RASGEF1C: variants seen among roughly 807,000 people sequenced by gnomAD.
RASGEF1C encodes ras-GEF domain-containing family member 1C.
RASGEF1C carries 27 observed loss-of-function variants against 58.1 expected under a neutral mutation model. That is an observed-to-expected ratio of 0.46 (90% CI 0.34 to 0.64). RASGEF1C has a LOEUF of 0.64. Ranked by LOEUF, RASGEF1C falls within the 30% of genes least tolerant of loss-of-function variation. RASGEF1C has a pLI of 0.01. For missense variants in RASGEF1C, 502 were observed against 605.1 expected, an observed-to-expected ratio of 0.83 and a Z score of 1.79; for synonymous variants, 243 against 246.3, an observed-to-expected ratio of 0.99 and a Z score of 0.13.
intron 1 of RASGEF1C, among the ~76,000 whole-genome samples, chr5:180,208,135 C>T (rs910616553): frequency 6.6e-6 from 1 of 152,076 alleles, no homozygotes; most frequent in African/African-American, 2.4e-5. Context: ...CCAGTCTTAC[C>T]AGAGGTGGGA....
At position 180,154,622 on chromosome 5, in the gene RASGEF1C, C is replaced by A. The variant is rs1232992055; in HGVS notation, c.-6-16564G>T. ...TTGAGATGGAGTCTCGCTCTGTCGC[C>A]CAGCCTGGAGTGCAGTGGTGCAAAC... On this transcript the variant is annotated intron_variant, in intron 1 of 13. Coordinates refer to ENST00000361132, the MANE Select transcript of RASGEF1C (RefSeq NM_175062.4). Among the ~76,000 whole-genome samples, 3 of 150,628 alleles carry A rather than the reference C, an allele frequency of 2.0e-5. No individual in the cohort carries two copies. The East Asian group carries it at 5.9e-4, about 29-fold the overall frequency.
chr5:180,154,567 G>A (rs1040749412), intron 1 of RASGEF1C, among the ~76,000 whole-genome samples: 4 of 148,830 alleles, frequency 2.7e-5, no homozygotes, highest in African/African-American at 9.8e-5. Flanking sequence ...TGGTGGACTG[G>A]GCTGGACTCT....
Position 180,113,810 on chromosome 5 carries a change from T to C in RASGEF1C, c.1179+636A>G, listed in dbSNP as rs1416960078. Among the ~76,000 whole-genome samples, 7 of 146,516 alleles carry C rather than the reference T, an allele frequency of 4.8e-5. No homozygotes were observed. The South Asian group carries it at 1.3e-3, about 28-fold the overall frequency. On this transcript the variant is annotated intron_variant, in intron 11 of 13. Coordinates refer to ENST00000361132, the MANE Select transcript of RASGEF1C (RefSeq NM_175062.4). ...GATGGATGGAGGGACCGAGGATGGATGGAGGGACCGAGGATGGATGGAGGG... is the reference window on the plus strand; with the variant it reads ...GATGGATGGAGGGACCGAGGATGGACGGAGGGACCGAGGATGGATGGAGGG...
chr5:180,174,598 G>C (rs1278724636), intron 1 of RASGEF1C, among the ~76,000 whole-genome samples: 1 of 142,422 alleles, frequency 7.0e-6, no homozygotes, highest in African/African-American at 2.6e-5. Context: ...GTGTGTGTGT[G>C]TGTGCACGCA....
rs911724800 is a variant in RASGEF1C at position 180,103,023 on chromosome 5, G to A, written c.1304-880C>T. On this transcript the variant is annotated intron_variant, in intron 12 of 13. Transcript: ENST00000361132. ...AATACCTTTGCTATGCAGTCTTTGCGTTCGAGAACATCCTATGTCTCCATT... is the reference window on the plus strand; with the variant it reads ...AATACCTTTGCTATGCAGTCTTTGCATTCGAGAACATCCTATGTCTCCATT... 5.9e-5 allele frequency among the ~76,000 whole-genome samples: 9 copies of A among 152,302 alleles called. No homozygotes were observed. The East Asian group carries it at 1.3e-3, about 23-fold the overall frequency.
intron 1 of RASGEF1C, among the ~76,000 whole-genome samples, chr5:180,181,614 G>A (rs1442065000): frequency 6.6e-6 from 1 of 152,228 alleles, no homozygotes; most frequent in Non-Finnish European, 1.5e-5. Context: ...GAATGCAGAA[G>A]ATTTCTAACA....
intron 1 of RASGEF1C, among the ~76,000 whole-genome samples, chr5:180,153,236 C>CA (rs1486828308): frequency 6.6e-6 from 1 of 152,176 alleles, no homozygotes; most frequent in Non-Finnish European, 1.5e-5. Flanking sequence ...CATCCGTGCT[C>CA]AGAGGCAGCA....
chr5:180,182,144 G>A (rs558871551), intron 1 of RASGEF1C, among the ~76,000 whole-genome samples: 1 of 137,520 alleles, frequency 7.3e-6, no homozygotes, highest in African/African-American at 2.8e-5. Context: ...GGTGGAGCTT[G>A]CAGTGAGTCG....
At chr5:180,181,516 A>G (rs1767325149) in intron 1 of RASGEF1C, among the ~76,000 whole-genome samples, 1 of 152,168 alleles carries the variant, frequency 6.6e-6, no homozygotes, top group African/African-American at 2.4e-5. Flanking sequence ...ATCCAACATG[A>G]CTAATGACCT....
Position 180,156,297 on chromosome 5 carries a change from A to G in RASGEF1C, c.-6-18239T>C, listed in dbSNP as rs1264519497. 1.3e-5 allele frequency among the ~76,000 whole-genome samples: 2 copies of G among 152,194 alleles called. No individual in the cohort carries two copies. The highest frequency in any genetic ancestry group is 4.8e-5 in the African/African-American group (2 of 41,456). ...GGAGGCTCCAGGAGGTGAGCGGATC[A>G]GTCTCCAGGCTGTGGTCTGATTCCC... On this transcript the variant is annotated intron_variant, in intron 1 of 13. Transcript: ENST00000361132. The surrounding 1 kb of genome is among the most constrained non-coding windows in gnomAD (Gnocchi z 4.9).
intron 1 of RASGEF1C, among the ~76,000 whole-genome samples, chr5:180,195,624 C>T (rs545275272): frequency 3.7e-4 from 56 of 151,936 alleles, no homozygotes; most frequent in East Asian, 5.8e-4. Flanking sequence ...TAGCTGGGCG[C>T]GGTGGCGGGC....
intron 1 of RASGEF1C, among the ~76,000 whole-genome samples, chr5:180,159,032 G>A (rs761302950): frequency 1.6e-4 from 24 of 150,216 alleles, no homozygotes; most frequent in Middle Eastern, 3.2e-3. Context: ...TTTCTATGAG[G>A]TCTTTTTTTT....
intron 6 of RASGEF1C, among the ~76,000 whole-genome samples, chr5:180,122,740 TAA>T (rs35004526): frequency 3.5e-5 from 4 of 115,936 alleles, no homozygotes; most frequent in Admixed American, 8.9e-5. Context: ...AAACTTCATC[TAA>T]AAAAAAAAAA....
intron 1 of RASGEF1C, among the ~76,000 whole-genome samples, chr5:180,150,912 T>A (rs1199016962): frequency 6.6e-6 from 1 of 151,564 alleles, no homozygotes; most frequent in Non-Finnish European, 1.5e-5. Flanking sequence ...AGCATTCTTA[T>A]ACACCAATAA....
chr5:180,150,530 TA>T (rs33925385), intron 1 of RASGEF1C, among the ~76,000 whole-genome samples: 59,176 of 150,354 alleles, frequency 0.39, 12,461 homozygotes, highest in African/African-American at 0.56. Context: ...CCCCAGGGAT[TA>T]AAAAAAAAAA....
chr5:180,138,090 T>C, intron 1 of RASGEF1C, 32 bp from the exon 2 acceptor site: 1 of 1,347,234 alleles, frequency 7.4e-7, no homozygotes, highest in Non-Finnish European at 9.9e-7. Flanking sequence ...AGGACCTGAG[T>C]GGGGGCACAC....
chr5:180,180,983 C>T (rs1271467294), intron 1 of RASGEF1C, among the ~76,000 whole-genome samples: 1 of 152,240 alleles, frequency 6.6e-6, no homozygotes, highest in East Asian at 1.9e-4. Flanking sequence ...TGGGAGGGAT[C>T]ACCACGCAGG....
chr5:180,174,423 T>A (rs1176262516), intron 1 of RASGEF1C, among the ~76,000 whole-genome samples: 1 of 148,152 alleles, frequency 6.7e-6, no homozygotes, highest in Non-Finnish European at 1.5e-5. Flanking sequence ...CGTGCGTGCA[T>A]GTGCACACGT....
At chr5:180,139,557 C>G (rs906610135) in intron 1 of RASGEF1C, among the ~76,000 whole-genome samples, 1 of 152,174 alleles carries the variant, frequency 6.6e-6, no homozygotes, top group Non-Finnish European at 1.5e-5. Flanking sequence ...GGGAAGGGCT[C>G]AGGCATTGGT....
Sources: gnomAD v4.1 joint callset for allele counts (sites outside exome capture counted in the v4.1 genomes callset) on GRCh38, gnomAD v4.1.1 for gene constraint, Gnocchi (gnomAD v3.1) non-coding constraint, MANE v1.5 for transcripts, NCBI Gene and HGNC (gene_info 2026-07-23, HGNC 2026-07-21) for gene names.